ASPRV1: variants seen among roughly 807,000 people sequenced by gnomAD.
ASPRV1 encodes aspartic peptidase retroviral like 1.
Under a neutral mutation model 11.0 loss-of-function variants are expected in ASPRV1, and 7 were observed. The observed-to-expected ratio is 0.64, with a 90% confidence interval of 0.36 to 1.20. The LOEUF is 1.20. Among genes scored for constraint, ASPRV1 ranks in the 50% most tolerant of loss-of-function variants. The probability of loss-of-function intolerance (pLI) is 0.02; values close to 1 mark genes in which losing one functional copy is unlikely to be tolerated. For missense variants in ASPRV1, 299 were observed against 320.0 expected (o/e 0.93, Z 0.50); for synonymous variants, 136 against 138.4 (o/e 0.98, Z 0.12).
the ASPRV1 span, chr2:70,049,565 C>G: frequency 6.6e-6 from 1 of 152,176 alleles, no homozygotes; most frequent in South Asian, 2.1e-4. Context: ...CCAATATTCT[C>G]AGTCTGGAGT....
At chr2:70,080,661 T>G in the ASPRV1 span, among the ~76,000 whole-genome samples, 1 of 152,196 alleles carries the variant, frequency 6.6e-6, no homozygotes, top group African/African-American at 2.4e-5. Context: ...AAAAGAGAAT[T>G]ATTGCTATAA....
the ASPRV1 span, among the ~76,000 whole-genome samples, chr2:70,059,256 C>CTTTTT: frequency 8.9e-6 from 1 of 112,224 alleles, no homozygotes; most frequent in South Asian, 3.1e-4. Context: ...GATTGGTTTT[C>CTTTTT]TTTTTTTTTT....
the ASPRV1 span, among the ~76,000 whole-genome samples, chr2:69,970,219 C>T: frequency 1.3e-5 from 2 of 152,068 alleles, no homozygotes; most frequent in Admixed American, 1.3e-4. Context: ...GGCCTCAGGG[C>T]ACCCTGCTGA....
At chr2:70,040,128 G>A in the ASPRV1 span, among the ~76,000 whole-genome samples, 1 of 152,156 alleles carries the variant, frequency 6.6e-6, no homozygotes, top group Non-Finnish European at 1.5e-5. Flanking sequence ...TCTAGGTGGA[G>A]GATGATGGTA....
chr2:70,042,372 T>A, the ASPRV1 span, among the ~76,000 whole-genome samples: 17 of 152,228 alleles, frequency 1.1e-4, no homozygotes, highest in Admixed American at 2.6e-4. Context: ...GAACTCTACC[T>A]ACTAAAGCCT....
chr2:69,984,807 C>T, the ASPRV1 span, among the ~76,000 whole-genome samples: 2 of 149,356 alleles, frequency 1.3e-5, no homozygotes, highest in African/African-American at 2.5e-5. Flanking sequence ...TTAGTAGAGA[C>T]GGGTTTTCAC....
At chr2:70,068,783 A>T in the ASPRV1 span, among the ~76,000 whole-genome samples, 12 of 150,920 alleles carry the variant, frequency 8.0e-5, no homozygotes, top group South Asian at 6.2e-4. Flanking sequence ...AAAAAAAAAA[A>T]AAAATAACAA....
chr2:70,023,526 G>C, the ASPRV1 span, among the ~76,000 whole-genome samples: 1 of 151,914 alleles, frequency 6.6e-6, no homozygotes, highest in Non-Finnish European at 1.5e-5. Flanking sequence ...ATGCATTGTT[G>C]GCCAGGCATG....
At chr2:69,990,868 C>T in the ASPRV1 span, among the ~76,000 whole-genome samples, 5 of 152,098 alleles carry the variant, frequency 3.3e-5, no homozygotes, top group Non-Finnish European at 7.3e-5. Flanking sequence ...GCCCTCGGGC[C>T]ACCTTCATAC....
chr2:70,087,102 C>G, the ASPRV1 span: 2 of 152,042 alleles, frequency 1.3e-5, no homozygotes, highest in African/African-American at 2.4e-5. Context: ...CCCGCGGCGT[C>G]CCGGCTTGTG....
At chr2:70,047,509 A>G in the ASPRV1 span, among the ~76,000 whole-genome samples, 2 of 152,196 alleles carry the variant, frequency 1.3e-5, no homozygotes, top group African/African-American at 4.8e-5. Flanking sequence ...TGAAAGCTCC[A>G]AAGAAAAACA....
chr2:69,994,163 C>T, the ASPRV1 span: 111 of 152,434 alleles, frequency 7.3e-4, no homozygotes, highest in African/African-American at 2.5e-3. Flanking sequence ...CGTCGTGTCA[C>T]TGTCAGGCAG....
At chr2:69,963,536 A>G (rs772484403), upstream of ASPRV1, 2 of 436,338 alleles carry the variant, frequency 4.6e-6, no homozygotes, top group Non-Finnish European at 9.4e-6. Flanking sequence ...TTAGCATGCG[A>G]CCAAGGGAGG....
the ASPRV1 span, chr2:70,074,876 G>A: frequency 6.6e-6 from 1 of 151,464 alleles, no homozygotes; most frequent in African/African-American, 2.4e-5. Context: ...CAGCACTTTG[G>A]GAAGCCGAGG....
chr2:70,049,267 C>T, the ASPRV1 span: 1 of 144,130 alleles, frequency 6.9e-6, no homozygotes, highest in Non-Finnish European at 1.5e-5. Context: ...CAATTCGGTA[C>T]AGAGCACCAA....
the ASPRV1 span, among the ~76,000 whole-genome samples, chr2:69,947,085 G>A: frequency 0.24 from 36,923 of 152,116 alleles, 5,535 homozygotes; most frequent in Admixed American, 0.43. Context: ...CTACCCAGAC[G>A]GGGACAACTC....
the ASPRV1 span, among the ~76,000 whole-genome samples, chr2:69,996,214 CAAA>C: frequency 1.7e-4 from 9 of 53,890 alleles, no homozygotes; most frequent in African/African-American, 6.3e-4. Flanking sequence ...CCCCATCTCT[CAAA>C]AAAAAAAAAA....
chr2:69,970,334 GC>G, the ASPRV1 span, among the ~76,000 whole-genome samples: 1 of 152,104 alleles, frequency 6.6e-6, no homozygotes. Flanking sequence ...GTCTGCTCAT[GC>G]CATTCTGCTC....
chr2:70,077,258 C>G, the ASPRV1 span: 1 of 152,136 alleles, frequency 6.6e-6, no homozygotes, highest in African/African-American at 2.4e-5. Context: ...TTACTACCTC[C>G]TAAGTTCCAA....
Sources: gnomAD v4.1 joint callset for allele counts (sites outside exome capture counted in the v4.1 genomes callset) on GRCh38, gnomAD v4.1.1 for gene constraint, MANE v1.5 for transcripts, NCBI Gene and HGNC (gene_info 2026-07-23, HGNC 2026-07-21) for gene names.